NRG1: variants seen among roughly 807,000 people sequenced by gnomAD.
NRG1 encodes the protein neuregulin 1, also known as pro-neuregulin-1, membrane-bound isoform.
In NRG1, 18 loss-of-function variants were observed where a neutral mutation model predicts 63.8. The ratio of observed to expected loss-of-function variants is 0.28; its 90% CI spans 0.19 to 0.42. The LOEUF is 0.42. NRG1 is among the 10% of genes least tolerant of loss of function. The pLI is 1.00. For synonymous variants in NRG1, 302 were observed against 301.3 expected (o/e 1.00, Z -0.02); for missense variants, 762 against 814.7 (o/e 0.94, Z 0.79).
chr8:32,497,857 C>G (rs1827396432), intron 1 of NRG1, among the ~76,000 whole-genome samples: 1 of 152,132 alleles, frequency 6.6e-6, no homozygotes, highest in African/African-American at 2.4e-5. Context: ...GAGTTTCACT[C>G]TTGTTGCCCA....
intron 1 of NRG1, among the ~76,000 whole-genome samples, chr8:32,398,192 A>C (rs897439911): frequency 7.7e-6 from 1 of 130,652 alleles, no homozygotes; most frequent in Non-Finnish European, 1.7e-5. Flanking sequence ...GTAAAATTAT[A>C]ATCTCCAGCA....
At chr8:32,505,540 G>T (rs1828408629) in intron 1 of NRG1, among the ~76,000 whole-genome samples, 1 of 152,082 alleles carries the variant, frequency 6.6e-6, no homozygotes, top group African/African-American at 2.4e-5. Context: ...GTTTAACCGG[G>T]GACCAAGAGT....
chr8:32,489,475 T>A (rs553009984), intron 1 of NRG1, among the ~76,000 whole-genome samples: 2 of 152,150 alleles, frequency 1.3e-5, no homozygotes, highest in Non-Finnish European at 2.9e-5. Context: ...TGTTCATCAC[T>A]TGATGGTGGC....
chr8:32,462,894 A>G (rs1487549972), intron 1 of NRG1, among the ~76,000 whole-genome samples: 1 of 151,930 alleles, frequency 6.6e-6, no homozygotes. Context: ...GTGAGCCACC[A>G]TGCCTGGCCT....
chr8:32,438,983 C>CT, intron 1 of NRG1, among the ~76,000 whole-genome samples: 1 of 152,078 alleles, frequency 6.6e-6, no homozygotes, highest in African/African-American at 2.4e-5. Context: ...CATAGCTTGT[C>CT]TTTTTTATTC....
chr8:32,283,703 G>C (rs900082932), intron 1 of NRG1, among the ~76,000 whole-genome samples: 1 of 152,068 alleles, frequency 6.6e-6, no homozygotes, highest in Admixed American at 6.6e-5. Context: ...TCTCTAATAG[G>C]GGGTAGAGAA....
At chr8:32,519,002 A>T (rs2129504908) in intron 1 of NRG1, among the ~76,000 whole-genome samples, 1 of 152,304 alleles carries the variant, frequency 6.6e-6, no homozygotes, top group South Asian at 2.1e-4. Flanking sequence ...CTAACTAATG[A>T]GTAGTATGAC....
intron 1 of NRG1, among the ~76,000 whole-genome samples, chr8:32,081,064 C>T (rs114348176): frequency 0.011 from 1,659 of 152,070 alleles, 28 homozygotes; most frequent in African/African-American, 0.038. Context: ...TTGCTTGACT[C>T]GAAGTTCATT....
chr8:32,230,723 T>TA (rs1846834924), intron 1 of NRG1, among the ~76,000 whole-genome samples: 1 of 152,168 alleles, frequency 6.6e-6, no homozygotes, highest in African/African-American at 2.4e-5. Flanking sequence ...CAGGATCTTT[T>TA]AAAAAATTAT....
At chr8:32,055,766 GAC>G (rs1206533097) in intron 1 of NRG1, among the ~76,000 whole-genome samples, 3 of 151,490 alleles carry the variant, frequency 2.0e-5, no homozygotes, top group African/African-American at 7.3e-5. Flanking sequence ...TATACTCAGA[GAC>G]TGGAAGACTT....
chr8:32,616,488 A>G (rs745546894), intron 4 of NRG1, among the ~76,000 whole-genome samples: 1 of 152,158 alleles, frequency 6.6e-6, no homozygotes. Flanking sequence ...ATGTTTTCTC[A>G]AAATCAAGAC....
At chr8:31,733,295 T>G (rs532381437) in intron 1 of NRG1, among the ~76,000 whole-genome samples, 1 of 152,310 alleles carries the variant, frequency 6.6e-6, no homozygotes, top group African/African-American at 2.4e-5. Context: ...TGCAGGTATC[T>G]TTTTGATATA....
At chr8:32,408,732 GT>G (rs1168232885) in intron 1 of NRG1, among the ~76,000 whole-genome samples, 15 of 151,854 alleles carry the variant, frequency 9.9e-5, no homozygotes, top group Non-Finnish European at 1.8e-4. Flanking sequence ...GGCTGGGTTT[GT>G]TTTTTTTAAG....
intron 1 of NRG1, among the ~76,000 whole-genome samples, chr8:32,279,473 C>T (rs373648225): frequency 3.4e-4 from 52 of 152,308 alleles, no homozygotes; most frequent in African/African-American, 1.2e-3. Context: ...CTGCCTCAGC[C>T]TCCCAAGTAG....
At chr8:32,504,617 GACAGAA>G (rs757917209) in intron 1 of NRG1, among the ~76,000 whole-genome samples, 4 of 151,844 alleles carry the variant, frequency 2.6e-5, no homozygotes, top group Non-Finnish European at 5.9e-5. Flanking sequence ...TTTATTTAAA[GACAGAA>G]ACAGATAGAG....
rs1233101649 is a variant in NRG1, at chr8:31,728,400, G to A, written c.37+88969G>A. Among the ~76,000 whole-genome samples, 4 of 152,144 alleles carry A rather than the reference G, an allele frequency of 2.6e-5. No homozygotes were observed. The East Asian group carries it at 5.8e-4, about 22-fold the overall frequency. On this transcript the variant is annotated intron_variant, in intron 1 of 10. Coordinates refer to the NRG1 transcript ENST00000519301. ...AATCGCTTGAACCCCGGAGGCAGAGGTTGCAGTGAGCTGAGATCTCGCAAG... is the reference window on the plus strand; with the variant it reads ...AATCGCTTGAACCCCGGAGGCAGAGATTGCAGTGAGCTGAGATCTCGCAAG...
At chr8:31,735,526 C>G (rs886430996) in intron 1 of NRG1, among the ~76,000 whole-genome samples, 2 of 152,072 alleles carry the variant, frequency 1.3e-5, no homozygotes, top group South Asian at 4.2e-4. Context: ...AAACTGTATA[C>G]TTTAGTCTTT....
intron 1 of NRG1, among the ~76,000 whole-genome samples, chr8:32,190,306 C>A (rs1842367037): frequency 6.6e-6 from 1 of 152,038 alleles, no homozygotes; most frequent in South Asian, 2.1e-4. Context: ...GCCCAACAGA[C>A]TTCAAGATGA....
At chr8:31,845,091 G>A (rs1471504693) in intron 1 of NRG1, among the ~76,000 whole-genome samples, 4 of 148,798 alleles carry the variant, frequency 2.7e-5, no homozygotes, top group African/African-American at 1.0e-4. Context: ...TGGGCGACAG[G>A]GTGAGACTCC....
Sources: allele counts gnomAD v4.1 joint callset (sites outside exome capture counted in the v4.1 genomes callset), GRCh38; gene constraint gnomAD v4.1.1; transcripts MANE v1.5; gene names NCBI Gene and HGNC (gene_info 2026-07-23, HGNC 2026-07-21).